CTNND2: variants seen among roughly 807,000 people sequenced by gnomAD.
CTNND2 encodes the protein catenin delta 2, also known as catenin delta-2.
In CTNND2, 22 loss-of-function variants were observed where a neutral mutation model predicts 144.4. That is an observed-to-expected ratio of 0.15 (90% CI 0.11 to 0.22). The LOEUF is 0.22. Ranked by LOEUF, CTNND2 falls within the 10% of genes least tolerant of loss-of-function variation. The pLI is 1.00. For synonymous variants in CTNND2, 751 were observed against 695.6 expected (o/e 1.08, Z -1.25); for missense variants, 1,353 against 1,618.8 (o/e 0.84, Z 2.82).
chr5:11,116,907 A>C (rs2149693740), intron 13 of CTNND2, among the ~76,000 whole-genome samples: 2 of 152,104 alleles, frequency 1.3e-5, no homozygotes, highest in East Asian at 1.9e-4. Flanking sequence ...AAAATACAAA[A>C]AAATAGCCGG....
chr5:11,802,962 G>C lies in CTNND2; in HGVS notation c.38-70690C>G, dbSNP rs1329258269. 7.9e-5 allele frequency among the ~76,000 whole-genome samples: 12 copies of C among 152,322 alleles called. No individual in the cohort carries two copies. The East Asian group carries it at 2.3e-3, about 29-fold the overall frequency. ...CAAGACACCCAGATTGTGAAAAGAA[G>C]AGAGGGGAATATTCTCAAAAGTTTG... On this transcript the variant is annotated intron_variant, in intron 1 of 21. Transcript: ENST00000304623.
chr5:11,691,098 G>A (rs1269003615), intron 2 of CTNND2, among the ~76,000 whole-genome samples: 13 of 152,264 alleles, frequency 8.5e-5, no homozygotes, highest in African/African-American at 2.4e-4. Context: ...ATGGCCGGGC[G>A]CGGTGGCTCA....
intron 9 of CTNND2, among the ~76,000 whole-genome samples, chr5:11,263,926 G>T (rs1256215791): frequency 6.6e-6 from 1 of 152,180 alleles, no homozygotes; most frequent in Non-Finnish European, 1.5e-5. Flanking sequence ...GGTCTCCTTT[G>T]CCCTGGACAA....
At chr5:11,155,789 T>C (rs1455009042) in intron 12 of CTNND2, among the ~76,000 whole-genome samples, 1 of 152,224 alleles carries the variant, frequency 6.6e-6, no homozygotes, top group East Asian at 1.9e-4. Flanking sequence ...ATAGATCTGC[T>C]TTTTAAAAAT....
At chr5:11,886,002 T>C (rs1002522310) in intron 1 of CTNND2, among the ~76,000 whole-genome samples, 1 of 151,780 alleles carries the variant, frequency 6.6e-6, no homozygotes, top group African/African-American at 2.4e-5. Flanking sequence ...CAACACAACA[T>C]ACCAAAACCT....
At chr5:11,813,601 C>T (rs1190667597) in intron 1 of CTNND2, among the ~76,000 whole-genome samples, 1 of 152,168 alleles carries the variant, frequency 6.6e-6, no homozygotes, top group Non-Finnish European at 1.5e-5. Flanking sequence ...ATATCTCATT[C>T]TAAGTCAACA....
At chr5:11,296,962 A>G (rs1749088562) in intron 9 of CTNND2, among the ~76,000 whole-genome samples, 1 of 152,236 alleles carries the variant, frequency 6.6e-6, no homozygotes, top group Admixed American at 6.5e-5. Flanking sequence ...GTGCACATGT[A>G]CCCTAAAACT....
chr5:11,229,335 A>G (rs954020546), intron 10 of CTNND2, among the ~76,000 whole-genome samples: 3 of 152,230 alleles, frequency 2.0e-5, no homozygotes, highest in Non-Finnish European at 4.4e-5. Context: ...AGTTTTAAAA[A>G]GTTAATTGAT....
At chr5:10,986,140 C>G (rs890134040) in intron 20 of CTNND2, among the ~76,000 whole-genome samples, 1 of 152,174 alleles carries the variant, frequency 6.6e-6, no homozygotes, top group Non-Finnish European at 1.5e-5. Context: ...GTTTAAGCCT[C>G]TAAATAAGTT....
intron 3 of CTNND2, among the ~76,000 whole-genome samples, chr5:11,496,000 C>T (rs538322348): frequency 1.3e-5 from 2 of 152,274 alleles, no homozygotes; most frequent in African/African-American, 2.4e-5. Context: ...CTTCTCCTTT[C>T]CTCACCCCAT....
chr5:11,134,284 T>A (rs1371111513), intron 12 of CTNND2, among the ~76,000 whole-genome samples: 2 of 152,176 alleles, frequency 1.3e-5, no homozygotes. Context: ...CAGCCCTTAG[T>A]CTACTTCATG....
At chr5:11,821,707 G>A (rs1473340635) in intron 1 of CTNND2, among the ~76,000 whole-genome samples, 2 of 152,142 alleles carry the variant, frequency 1.3e-5, no homozygotes, top group African/African-American at 2.4e-5. Flanking sequence ...TTACTTCTGA[G>A]AGAAGTGTCA....
At chr5:11,567,960 C>T (rs1777254815) in intron 2 of CTNND2, among the ~76,000 whole-genome samples, 1 of 152,116 alleles carries the variant, frequency 6.6e-6, no homozygotes. Context: ...TATGTGAAAG[C>T]AATTTGATAC....
intron 1 of CTNND2, among the ~76,000 whole-genome samples, chr5:11,851,541 T>C (rs1389310197): frequency 1.3e-5 from 2 of 152,248 alleles, no homozygotes; most frequent in Admixed American, 6.5e-5. Context: ...GCTGGCTTTA[T>C]GCAGCTTTGT....
rs568230346 is a variant in CTNND2 at position 11,259,341 on chromosome 5, G to A, written c.1629-22518C>T. Among the ~76,000 whole-genome samples, 57 of 151,894 alleles carry A rather than the reference G, an allele frequency of 3.8e-4. No individual in the cohort carries two copies. The South Asian group carries it at 6.5e-3, about 17-fold the overall frequency. On this transcript the variant is annotated intron_variant, in intron 9 of 21. Coordinates refer to ENST00000304623, the MANE Select transcript of CTNND2 (RefSeq NM_001332.4). ...TACCCTTTTAGATCCCAGCCACCAC[G>A]CCAAAAAAAAAGATGGCACCATGTA...
chr5:11,465,906 G>C (rs1180418491), intron 3 of CTNND2, among the ~76,000 whole-genome samples: 1 of 152,164 alleles, frequency 6.6e-6, no homozygotes, highest in Non-Finnish European at 1.5e-5. Flanking sequence ...GGTGCAGATG[G>C]CCAGTTCTGG....
At position 11,847,434 on chromosome 5, in the gene CTNND2, G is replaced by C. The variant is rs140595238; in HGVS notation, c.37+56383C>G. Reference sequence around the variant, plus strand: ...TCATTTGTACAATCTAAATAAGTAGGCTTCATAGAAGTAGAGAGTAGAATA... The same window carrying C: ...TCATTTGTACAATCTAAATAAGTAGCCTTCATAGAAGTAGAGAGTAGAATA... On this transcript the variant is annotated intron_variant, in intron 1 of 21. Transcript: ENST00000304623. 6.4e-3 allele frequency among the ~76,000 whole-genome samples: 969 copies of C among 151,848 alleles called. 11 individuals carry two copies. Among genetic ancestry groups the C allele is most frequent in the African/African-American group, 0.018 (765 of 41,478 alleles).
rs191236097 is a variant in CTNND2 at position 11,491,791 on chromosome 5, G to C, written c.287+73153C>G. On this transcript the variant is annotated intron_variant, in intron 3 of 21. Coordinates refer to ENST00000304623, the MANE Select transcript of CTNND2 (RefSeq NM_001332.4). ...GGAGAGATGCTAAAGTGACAATTCT[G>C]ATTTCTAAGCCGATACCCAGTCAAT... Among the ~76,000 whole-genome samples the C allele has an allele frequency of 1.4e-3, 215 of 152,268 alleles. 4 individuals carry two copies. Among genetic ancestry groups the C allele is most frequent in the Non-Finnish European group, 1.8e-4 (12 of 68,020 alleles).
intron 1 of CTNND2, among the ~76,000 whole-genome samples, chr5:11,889,242 C>A (rs906466177): frequency 4.6e-5 from 7 of 152,138 alleles, no homozygotes; most frequent in African/African-American, 1.7e-4. Context: ...CCACTGAGCT[C>A]TGAGATTATC....
Sources: allele counts gnomAD v4.1 joint callset (sites outside exome capture counted in the v4.1 genomes callset), GRCh38; gene constraint gnomAD v4.1.1; transcripts MANE v1.5; gene names NCBI Gene and HGNC (gene_info 2026-07-23, HGNC 2026-07-21).